The following PLG variants were observed in gnomAD, a reference collection of about 807,000 sequenced individuals.
PLG encodes plasmin.
PLG carries 41 observed loss-of-function variants against 104.4 expected under a neutral mutation model. The observed-to-expected ratio is 0.39, with a 90% CI of 0.31 to 0.51. The LOEUF (loss-of-function observed/expected upper bound fraction) is 0.51, where lower values mean the gene tolerates loss of function less well. Ranked by LOEUF, PLG falls within the 20% of genes least tolerant of loss-of-function variation. PLG has a pLI of 0.76. For missense variants in PLG, 891 were observed against 1,003.6 expected (o/e 0.89, Z 1.52); for synonymous variants, 337 against 357.1 (o/e 0.94, Z 0.63).
Position 160,731,147 on chromosome 6 carries a change from G to A in PLG, c.1353G>A (p.Leu451=). 6.2e-7 allele frequency: 1 copy of A among 1,614,066 alleles called. No individual in the cohort carries two copies. The highest frequency in any genetic ancestry group is 8.5e-7 in the Non-Finnish European group (1 of 1,179,968). Residue 451 remains leucine, a synonymous_variant, in exon 11 of 19, where the codon CTG becomes CTA. Transcript: ENST00000308192. This position sits in a 1 kb window ranked among gnomAD's most constrained non-coding sequence, Gnocchi z 5.1. ...GCGTCAGGTGGGAGTACTGCAACCTGAAAAAATGCTCAGGAACAGAAGCGA... is the reference window on the plus strand; with the variant it reads ...GCGTCAGGTGGGAGTACTGCAACCTAAAAAAATGCTCAGGAACAGAAGCGA... The part of the protein sequence containing the change: ...DPSVRWEYCN[L]KKCSGTEASV...
chr6:160,707,606 T>G, intron 2 of PLG, 94 bp from the exon 3 acceptor site: 1 of 1,295,682 alleles, frequency 7.7e-7, no homozygotes. Context: ...CCTCAAGATA[T>G]TCAATGATCT....
chr6:160,747,188 G>A (rs759793927), intron 17 of PLG, among the ~76,000 whole-genome samples: 9 of 152,226 alleles, frequency 5.9e-5, no homozygotes, highest in Non-Finnish European at 1.0e-4. Context: ...ACCTACAACT[G>A]GGGGAGAGGC....
chr6:160,707,010 C>T (rs369027020), intron 2 of PLG, among the ~76,000 whole-genome samples: 5 of 151,688 alleles, frequency 3.3e-5, no homozygotes, highest in Non-Finnish European at 5.9e-5. Context: ...ATGCTCTACC[C>T]AGATCCAGAA....
intron 7 of PLG, 23 bp from the exon 8 acceptor site, chr6:160,718,271 G>T (rs367605068): frequency 2.5e-6 from 4 of 1,601,896 alleles, no homozygotes; most frequent in Non-Finnish European, 3.4e-6. Context: ...TATATTCATT[G>T]TAACTTATTT....
intron 4 of PLG, chr6:160,711,535 G>A: frequency 6.3e-7 from 1 of 1,584,684 alleles, no homozygotes; most frequent in Middle Eastern, 2.3e-4. Flanking sequence ...ACTGTATTTA[G>A]GATAATTTCA....
At position 160,752,401 on chromosome 6, in the gene PLG, G is replaced by C. The variant is rs561924732; in HGVS notation, c.2271+141G>C. The C allele has an allele frequency of 1.3e-5, 10 of 753,072 alleles. No individual in the cohort carries two copies. The East Asian group carries it at 2.3e-4, about 17-fold the overall frequency. 46.6% of individuals were successfully genotyped at this position (753,072 alleles called of 1,614,324 possible). A position where few individuals can be genotyped will look rare whatever the true frequency, so the allele number is the denominator to read the frequency against. ...CTAAGTGTTGTTTAGAAACTTCCTA[G>C]ATCTGTCCCTGAATGCGTATTCAGA... On this transcript the variant is annotated intron_variant, in intron 18 of 18. Transcript: ENST00000308192. The surrounding 1 kb of genome is among the most constrained non-coding windows in gnomAD (Gnocchi z 4.7).
rs909081526 is a variant in PLG at position 160,734,302 on chromosome 6, A to C, written c.1681+214A>C. On this transcript the variant is annotated intron_variant, in intron 13 of 18. Transcript: ENST00000308192. The surrounding 1 kb of genome is among the most constrained non-coding windows in gnomAD (Gnocchi z 4.4). ...CCATCGCCCCAGGCACACATAAATA[A>C]AATAAATGTAAAATTCCCAAAGAGC... Among the ~76,000 whole-genome samples the C allele has an allele frequency of 6.6e-6, 1 of 152,132 alleles. No individual in the cohort carries two copies. Among genetic ancestry groups the C allele is most frequent in the Non-Finnish European group, 1.5e-5 (1 of 68,020 alleles).
In PLG at chr6:160,722,607, A is replaced by G. The variant is rs199914831; in HGVS notation, c.1256+40A>G. The G allele has an allele frequency of 3.1e-5, 50 of 1,590,654 alleles. No individual in the cohort carries two copies. In the African/African-American group the frequency reaches 5.6e-4, roughly 18 times the overall value. ...TTTACTGTAAGAGGGGCATCAGCCA[A>G]CTGAAATTTCTGTTAAAAGAGCCAT... On this transcript the variant is annotated intron_variant, in intron 10 of 18. Coordinates refer to ENST00000308192, the MANE Select transcript of PLG (RefSeq NM_000301.5).
chr6:160,730,858 A>T (rs909327937), intron 10 of PLG, 193 bp from the exon 11 acceptor site: 1 of 563,368 alleles, frequency 1.8e-6, no homozygotes, highest in South Asian at 2.3e-5. Context: ...GAAAAATTAA[A>T]ATCTGTCTTT....
intron 2 of PLG, among the ~76,000 whole-genome samples, chr6:160,707,494 G>A (rs1473273154): frequency 6.6e-6 from 1 of 151,900 alleles, no homozygotes; most frequent in Non-Finnish European, 1.5e-5. Flanking sequence ...GGGAAGGTAA[G>A]GGCAGATAAG....
intron 12 of PLG, among the ~76,000 whole-genome samples, chr6:160,733,539 A>C (rs1778035923): frequency 7.9e-6 from 1 of 126,316 alleles, no homozygotes; most frequent in African/African-American, 3.7e-5. Flanking sequence ...AATAATAATA[A>C]TAATAGAAAG....
intron 3 of PLG, among the ~76,000 whole-genome samples, chr6:160,710,626 C>A (rs1490426075): frequency 6.6e-6 from 1 of 152,168 alleles, no homozygotes; most frequent in South Asian, 2.1e-4. Flanking sequence ...TGGGTTGGAT[C>A]TCTTTCAGCC....
In PLG at chr6:160,731,696, T is replaced by A; in HGVS notation, c.1439-49T>A. ...ACATGACTGTATTGATTCCATATCATCCTGGGTCTCTGTGGCTCTTCATAA... is the reference window on the plus strand; with the variant it reads ...ACATGACTGTATTGATTCCATATCAACCTGGGTCTCTGTGGCTCTTCATAA... On this transcript the variant is annotated intron_variant, in intron 11 of 18. Transcript: ENST00000308192. The surrounding 1 kb of genome is among the most constrained non-coding windows in gnomAD (Gnocchi z 5.1). 1 of 1,576,424 alleles carries A rather than the reference T, an allele frequency of 6.3e-7. No individual in the cohort carries two copies. The highest frequency in any genetic ancestry group is 8.7e-7 in the Non-Finnish European group (1 of 1,145,758).
In PLG at chr6:160,724,384, G is replaced by T. The variant is rs1777892063; in HGVS notation, c.1256+1817G>T. ...ACATTACAGAAGAAAAAGTTAACTA[G>T]AAAATAATTCAATAGAAGTGATACA... is the stretch of plus-strand genomic sequence containing the variant. On this transcript the variant is annotated intron_variant, in intron 10 of 18. Transcript: ENST00000308192. This position sits in a 1 kb window ranked among gnomAD's most constrained non-coding sequence, Gnocchi z 5.0. 6.6e-6 allele frequency among the ~76,000 whole-genome samples: 1 copy of T among 152,022 alleles called. No individual in the cohort carries two copies. Among genetic ancestry groups the T allele is most frequent in the Non-Finnish European group, 1.5e-5 (1 of 67,988 alleles).
intron 10 of PLG, among the ~76,000 whole-genome samples, chr6:160,730,107 T>G (rs1173633540): frequency 6.6e-6 from 1 of 152,222 alleles, no homozygotes; most frequent in Non-Finnish European, 1.5e-5. Context: ...TCTGAGAGGT[T>G]GGAGCAACAT....
Position 160,731,886 on chromosome 6 carries a change from A to G in PLG, c.1580A>G (p.Glu527Gly), listed in dbSNP as rs1189990610. The G allele has an allele frequency of 6.2e-7, 1 of 1,613,318 alleles. No homozygotes were observed. The highest frequency in any genetic ancestry group is 8.5e-7 in the Non-Finnish European group (1 of 1,179,414). The change falls in exon 12 of 19, where the codon GAA becomes GGA. Residue 527 changes from glutamate (E) to glycine (G), a missense_variant. Physicochemically the swap from Glu to Gly is moderately conservative, Grantham distance 98. Around this residue, in one of 2 missense-constraint regions of PLG, gnomAD observed 854 missense variants for 932.1 expected, o/e 0.92. Coordinates refer to ENST00000308192, the MANE Select transcript of PLG (RefSeq NM_000301.5). The surrounding 1 kb of genome is among the most constrained non-coding windows in gnomAD (Gnocchi z 5.1). ...GAGACAAATCCACGGGCGGGTCTGG[A>G]AAAAAATGTAAGCCACTTTGATTTG... ...TPETNPRAGL[E>G]KNYCRNPDGD...
chr6:160,703,306 T>C (rs1349386128), intron 1 of PLG, among the ~76,000 whole-genome samples: 1 of 151,408 alleles, frequency 6.6e-6, no homozygotes, highest in Non-Finnish European at 1.5e-5. Flanking sequence ...AATTAACATA[T>C]AGAATTCACC....
In PLG at chr6:160,719,080, G is replaced by T. The variant is rs1777791665; in HGVS notation, c.1096+242G>T. On this transcript the variant is annotated intron_variant, in intron 9 of 18. Transcript: ENST00000308192. This position sits in a 1 kb window ranked among gnomAD's most constrained non-coding sequence, Gnocchi z 4.1. ...AATGTGTCTTCTGCGGTTGTTGGGT[G>T]GGGTGTTCCCTCAAGGTCATTTAGG... Among the ~76,000 whole-genome samples the T allele has an allele frequency of 6.6e-6, 1 of 152,162 alleles. No individual in the cohort carries two copies. The highest frequency in any genetic ancestry group is 1.5e-5 in the Non-Finnish European group (1 of 68,026).
intron 9 of PLG, among the ~76,000 whole-genome samples, chr6:160,720,410 C>CT (rs3057066): frequency 0.082 from 4,737 of 58,000 alleles, 1,085 homozygotes; most frequent in East Asian, 0.17. Flanking sequence ...CTTTTCTTTT[C>CT]TTTTTTTTTT....
Sources: gnomAD v4.1 joint callset for allele counts (sites outside exome capture counted in the v4.1 genomes callset) on GRCh38, gnomAD v4.1.1 for gene constraint, gnomAD v4.1.1 regional missense constraint, Gnocchi (gnomAD v3.1) non-coding constraint, MANE v1.5 for transcripts, NCBI Gene and HGNC (gene_info 2026-07-23, HGNC 2026-07-21) for gene names.